Variants in SCD5 observed in about 807,000 individuals in gnomAD.
SCD5 encodes the protein stearoyl-CoA desaturase 5, also known as acyl-CoA-desaturase 4.
In SCD5, 20 loss-of-function variants were observed where a neutral mutation model predicts 30.4. That is an observed-to-expected ratio of 0.66 (90% CI 0.46 to 0.96). The LOEUF is 0.96. SCD5 is among the 40% of genes least tolerant of loss of function. SCD5 has a pLI of 0.00. For missense variants in SCD5, 381 were observed against 443.3 expected (o/e 0.86, Z 1.26); for synonymous variants, 173 against 176.4 (o/e 0.98, Z 0.16).
chr4:82,665,641 A>C (rs541436628), intron 3 of SCD5, among the ~76,000 whole-genome samples: 89 of 152,296 alleles, frequency 5.8e-4, no homozygotes, highest in African/African-American at 2.1e-3. Context: ...ACCTTCAGAC[A>C]AACAAAAGCT....
intron 1 of SCD5, among the ~76,000 whole-genome samples, chr4:82,766,731 G>T (rs1721495270): frequency 6.6e-6 from 1 of 152,092 alleles, no homozygotes; most frequent in Non-Finnish European, 1.5e-5. Flanking sequence ...GCTTTGTTCT[G>T]GAATCCAGTT....
At chr4:82,796,676 A>C (rs1397895403) in intron 1 of SCD5, among the ~76,000 whole-genome samples, 1 of 152,078 alleles carries the variant, frequency 6.6e-6, no homozygotes, top group Non-Finnish European at 1.5e-5. Flanking sequence ...ACAGCTATTA[A>C]AGATAAGCCT....
chr4:82,730,427 G>A (rs1007900059), intron 1 of SCD5, among the ~76,000 whole-genome samples: 2 of 150,790 alleles, frequency 1.3e-5, no homozygotes, highest in Admixed American at 6.6e-5. Context: ...CTCCCAGGTA[G>A]CTGGGATTAC....
intron 1 of SCD5, among the ~76,000 whole-genome samples, chr4:82,754,092 C>A (rs1344781960): frequency 2.0e-5 from 3 of 152,146 alleles, no homozygotes; most frequent in African/African-American, 4.8e-5. Flanking sequence ...GCTGAGGCAT[C>A]TGTTCAAAGA....
At chr4:82,636,007 G>C (rs1055023623) in intron 4 of SCD5, among the ~76,000 whole-genome samples, 3 of 152,188 alleles carry the variant, frequency 2.0e-5, no homozygotes, top group Non-Finnish European at 2.9e-5. Context: ...TTCTCCTTTA[G>C]AACATTTCCA....
intron 1 of SCD5, among the ~76,000 whole-genome samples, chr4:82,787,005 A>T (rs1211331258): frequency 6.6e-6 from 1 of 152,134 alleles, no homozygotes; most frequent in Non-Finnish European, 1.5e-5. Flanking sequence ...GCCAAAAGCT[A>T]TTGTTTTGTT....
rs1466222239 is a variant in SCD5, at chr4:82,630,582, A to G, written c.*745T>C. The stretch of plus-strand genomic sequence containing the variant: ...ATCATGTTCAAGCACATGACAACGT[A>G]TATTTGACGTATTTTAGCTATAGCG... On this transcript the variant is annotated 3_prime_UTR_variant, in exon 5 of 5. Coordinates refer to ENST00000319540, the MANE Select transcript of SCD5 (RefSeq NM_001037582.3). 1 of 152,230 alleles carries G rather than the reference A, an allele frequency of 6.6e-6. No homozygotes were observed. The highest frequency in any genetic ancestry group is 2.4e-5 in the African/African-American group (1 of 41,452). The allele number at this position is 152,230 out of a possible 1,614,324, so 9.4% of individuals were successfully genotyped here.
rs1170073496 is a variant in SCD5, at chr4:82,629,928, G to A, written c.*1399C>T. On this transcript the variant is annotated 3_prime_UTR_variant, in exon 5 of 5. Transcript: ENST00000319540. ...ATGCAGGTGAAACATTAGTAGACACGGAATTCTAGATAACTGTTGGTTCTC... is the reference window on the plus strand; with the variant it reads ...ATGCAGGTGAAACATTAGTAGACACAGAATTCTAGATAACTGTTGGTTCTC... 1.3e-5 allele frequency: 2 copies of A among 152,118 alleles called. No homozygotes were observed. The highest frequency in any genetic ancestry group is 4.8e-5 in the African/African-American group (2 of 41,416). 9.4% of individuals were successfully genotyped at this position (152,118 alleles called of 1,614,324 possible). A position where few individuals can be genotyped will look rare whatever the true frequency, so the allele number is the denominator to read the frequency against.
At chr4:82,694,308 G>T (rs1435033019) in intron 2 of SCD5, among the ~76,000 whole-genome samples, 1 of 152,148 alleles carries the variant, frequency 6.6e-6, no homozygotes, top group Non-Finnish European at 1.5e-5. Flanking sequence ...GGTTCCCACA[G>T]GCATCATGTT....
At chr4:82,646,583 A>G (rs140674515) in intron 3 of SCD5, among the ~76,000 whole-genome samples, 1,817 of 152,284 alleles carry the variant, frequency 0.012, 15 homozygotes, top group Non-Finnish European at 0.019. Flanking sequence ...GTTGTAATCG[A>G]ACTACTCTAG....
chr4:82,756,822 C>T (rs1721245097), intron 1 of SCD5, among the ~76,000 whole-genome samples: 1 of 152,102 alleles, frequency 6.6e-6, no homozygotes, highest in East Asian at 1.9e-4. Flanking sequence ...CCCTCAAATC[C>T]ATCCTCCATA....
chr4:82,702,130 CTTTTTTTTTTTTTTTTTT>C (rs10701664), intron 2 of SCD5, among the ~76,000 whole-genome samples: 1 of 64,070 alleles, frequency 1.6e-5, no homozygotes, highest in African/African-American at 5.6e-5. Flanking sequence ...CCATCATCAT[CTTTTTTTTTTTTTTTTTT>C]TTTTTTTTTT....
intron 2 of SCD5, among the ~76,000 whole-genome samples, chr4:82,699,080 C>T (rs542376908): frequency 3.9e-5 from 6 of 152,256 alleles, no homozygotes; most frequent in South Asian, 4.1e-4. Flanking sequence ...CCCCGGGCCA[C>T]GGACTGGTAT....
chr4:82,724,716 T>C (rs1472089743), intron 1 of SCD5, among the ~76,000 whole-genome samples: 1 of 152,208 alleles, frequency 6.6e-6, no homozygotes, highest in South Asian at 2.1e-4. Context: ...GAACTGTTTT[T>C]AGGACTAAAG....
chr4:82,720,441 T>TAA lies in SCD5; in HGVS notation c.233-15030_233-15029dup, dbSNP rs1553917690. Reference sequence around the variant, plus strand: ...GATGCTGTCTCAAAAAAGGCAAAAATAAAAAAAAAAAAAAAAAAAAAAGAC... The same window carrying TAA: ...GATGCTGTCTCAAAAAAGGCAAAAATAAAAAAAAAAAAAAAAAAAAAAAAGAC... On this transcript the variant is annotated intron_variant, in intron 1 of 4. Transcript: ENST00000319540. 1.9e-4 allele frequency among the ~76,000 whole-genome samples: 15 copies of TAA among 77,896 alleles called. 1 individual carries two copies. In the East Asian group the frequency reaches 3.2e-3, roughly 17 times the overall value. 51.1% of individuals were successfully genotyped at this position (77,896 alleles called of 152,430 possible).
chr4:82,701,489 C>T (rs1471062016), intron 2 of SCD5, among the ~76,000 whole-genome samples: 4 of 151,484 alleles, frequency 2.6e-5, no homozygotes, highest in African/African-American at 9.7e-5. Context: ...AATTAAAAGA[C>T]AGACTGTCAG....
chr4:82,793,193 T>A (rs1433303139), intron 1 of SCD5, among the ~76,000 whole-genome samples: 1 of 152,222 alleles, frequency 6.6e-6, no homozygotes, highest in Non-Finnish European at 1.5e-5. Context: ...TAAAGTTTTT[T>A]AAATGATGAG....
At chr4:82,726,587 C>T (rs1720476659) in intron 1 of SCD5, among the ~76,000 whole-genome samples, 1 of 150,896 alleles carries the variant, frequency 6.6e-6, no homozygotes, top group Admixed American at 6.6e-5. Context: ...GAGACCTGCA[C>T]TAAGTAATAT....
chr4:82,789,901 T>G (rs1722064585), intron 1 of SCD5, among the ~76,000 whole-genome samples: 1 of 152,152 alleles, frequency 6.6e-6, no homozygotes, highest in African/African-American at 2.4e-5. Context: ...GAGGACAGGC[T>G]CTGGGTTTGG....
Sources: allele counts gnomAD v4.1 joint callset (sites outside exome capture counted in the v4.1 genomes callset), GRCh38; gene constraint gnomAD v4.1.1; transcripts MANE v1.5; gene names NCBI Gene and HGNC (gene_info 2026-07-23, HGNC 2026-07-21).